Variants in FAM53B observed in about 807,000 individuals in gnomAD.
The protein encoded by FAM53B is protein FAM53B.
In FAM53B, 12 loss-of-function variants were observed where a neutral mutation model predicts 32.7. The ratio of observed to expected loss-of-function variants is 0.37; its 90% CI spans 0.24 to 0.59. The LOEUF (loss-of-function observed/expected upper bound fraction) is 0.59, where lower values mean the gene tolerates loss of function less well. Ranked by LOEUF, FAM53B falls within the 20% of genes least tolerant of loss-of-function variation. The pLI is 0.72. For synonymous variants in FAM53B, 234 were observed against 228.7 expected (o/e 1.02, Z -0.21); for missense variants, 477 against 577.7 (o/e 0.83, Z 1.79).
chr10:124,720,514 T>C (rs971028712), intron 1 of FAM53B, among the ~76,000 whole-genome samples: 8 of 152,078 alleles, frequency 5.3e-5, no homozygotes, highest in African/African-American at 1.9e-4. Flanking sequence ...AGAAACCCTA[T>C]CCGACTGAAT....
At chr10:124,648,048 CCA>C (rs899406527) in intron 4 of FAM53B, among the ~76,000 whole-genome samples, 4 of 152,056 alleles carry the variant, frequency 2.6e-5, no homozygotes, top group African/African-American at 9.7e-5. Flanking sequence ...CTCACCACCC[CCA>C]GACTTCTGCA....
chr10:124,673,951 G>A (rs74575880), intron 4 of FAM53B, among the ~76,000 whole-genome samples: 23 of 152,302 alleles, frequency 1.5e-4, no homozygotes, highest in African/African-American at 4.6e-4. Flanking sequence ...GCAGGGCAAC[G>A]GGCTCACAGT....
rs371968001 is a variant in FAM53B, at chr10:124,682,505, T to A, written c.134-126A>T. On this transcript the variant is annotated intron_variant, in intron 3 of 4. Transcript: ENST00000337318. This position sits in a 1 kb window ranked among gnomAD's most constrained non-coding sequence, Gnocchi z 5.2. ...AGAGCCAAAAGGCCCTTAGAAACCATCCAGTCCAACCTCATTTTACAGATG... is the reference window on the plus strand; with the variant it reads ...AGAGCCAAAAGGCCCTTAGAAACCAACCAGTCCAACCTCATTTTACAGATG... 9.9e-5 allele frequency: 76 copies of A among 767,952 alleles called. No individual in the cohort carries two copies. The East Asian group carries it at 2.0e-3, about 20-fold the overall frequency. The allele number at this position is 767,952 out of a possible 1,614,324, so 47.6% of individuals were successfully genotyped here.
chr10:124,734,343 A>G (rs1589768281), intron 1 of FAM53B, among the ~76,000 whole-genome samples: 1 of 152,136 alleles, frequency 6.6e-6, no homozygotes, highest in Non-Finnish European at 1.5e-5. Flanking sequence ...CATTGATTGA[A>G]CTGCACTGAG....
chr10:124,637,767 A>G (rs1182178863), intron 4 of FAM53B, among the ~76,000 whole-genome samples: 1 of 152,162 alleles, frequency 6.6e-6, no homozygotes, highest in Non-Finnish European at 1.5e-5. Flanking sequence ...CCTCCCATGG[A>G]GTGCCCTCCA....
At position 124,623,600 on chromosome 10, in the gene FAM53B, C is replaced by T; in HGVS notation, c.911G>A (p.Cys304Tyr). The T allele has an allele frequency of 1.2e-6, 2 of 1,609,276 alleles. No homozygotes were observed. The highest frequency in any genetic ancestry group is 1.7e-6 in the Non-Finnish European group (2 of 1,179,376). Residue 304 changes from cysteine (C) to tyrosine (Y), a missense_variant, in exon 5 of 5, where the codon TGT (cysteine) becomes TAT (tyrosine). Physicochemically the swap from Cys to Tyr is radical, Grantham distance 194 (BLOSUM62 -2). Around this residue, in one of 2 missense-constraint regions of FAM53B, gnomAD observed 312 missense variants for 420.2 expected, o/e 0.74. Coordinates refer to ENST00000337318, the MANE Select transcript of FAM53B (RefSeq NM_014661.4). ...SLDLAKMAQN[C>Y]QTFSSLSCLS... is the part of the protein sequence containing the mutation. ...GCAGCTGAGGCTGCTGAAGGTCTGA[C>T]AGTTCTGTGGAGGGGCAGACACACA...
chr10:124,741,254 C>T (rs1022828517), intron 1 of FAM53B, among the ~76,000 whole-genome samples: 3 of 152,052 alleles, frequency 2.0e-5, no homozygotes, highest in Non-Finnish European at 2.9e-5. Flanking sequence ...GGGGTTGTGC[C>T]GATCTGAGTA....
rs1950163227 is a variant in FAM53B, at chr10:124,734,583, T to G, written c.-175+9430A>C. On this transcript the variant is annotated intron_variant, in intron 1 of 4. Transcript: ENST00000337318. ...AGCAGGTCTGCTTCAAGGCCACCCA[T>G]GCCCAGCCACCTTGGTGGGTCCTCT... Among the ~76,000 whole-genome samples, 5 of 152,148 alleles carry G rather than the reference T, an allele frequency of 3.3e-5. No individual in the cohort carries two copies. The South Asian group carries it at 8.3e-4, about 25-fold the overall frequency.
intron 4 of FAM53B, among the ~76,000 whole-genome samples, chr10:124,641,602 G>C (rs537201986): frequency 3.9e-5 from 6 of 152,196 alleles, no homozygotes; most frequent in Admixed American, 2.6e-4. Flanking sequence ...CGAGAGTCAC[G>C]GGGAACTCAG....
intron 3 of FAM53B, among the ~76,000 whole-genome samples, chr10:124,692,258 TTCACGCTGGC>T (rs1380105271): frequency 5.3e-5 from 8 of 152,176 alleles, no homozygotes; most frequent in Non-Finnish European, 8.8e-5. Context: ...CCACCCACGC[TTCACGCTGGC>T]TTTGTTCTCT....
intron 4 of FAM53B, among the ~76,000 whole-genome samples, chr10:124,666,609 T>C (rs573370314): frequency 1.1e-4 from 16 of 152,292 alleles, no homozygotes; most frequent in Non-Finnish European, 1.3e-4. Context: ...GAGAAGCCCC[T>C]GTCTTCCTGT....
intron 4 of FAM53B, among the ~76,000 whole-genome samples, chr10:124,656,770 C>G (rs1215904020): frequency 6.6e-6 from 1 of 152,034 alleles, no homozygotes; most frequent in Non-Finnish European, 1.5e-5. Context: ...CATTCACAGT[C>G]TTTGAAACTG....
At chr10:124,667,436 C>G (rs776309233) in intron 4 of FAM53B, 1 of 765,488 alleles carries the variant, frequency 1.3e-6, no homozygotes, top group Non-Finnish European at 2.4e-6. Context: ...GGAGAAAATA[C>G]AACAGGTGAG....
At chr10:124,706,255 A>AG (rs1949957118) in intron 2 of FAM53B, among the ~76,000 whole-genome samples, 1 of 152,120 alleles carries the variant, frequency 6.6e-6, no homozygotes, top group African/African-American at 2.4e-5. Flanking sequence ...CACCCTTCAG[A>AG]GGGACAGGCT....
rs958232695 is a variant in FAM53B, at chr10:124,681,772, G to A, written c.741C>T (p.Asn247=). 3 of 1,608,778 alleles carry A rather than the reference G, an allele frequency of 1.9e-6. No homozygotes were observed. The highest frequency in any genetic ancestry group is 2.2e-5 in the East Asian group (1 of 44,698). Residue 247 remains asparagine (N), a synonymous_variant, in exon 4 of 5, where the codon AAC becomes AAT. Transcript: ENST00000337318. ...GCTCTGGTGTTGAGGCAGGTGTGCTGTTGGCTGAGGGAGGACAGTATTCCA... is the reference window on the plus strand; with the variant it reads ...GCTCTGGTGTTGAGGCAGGTGTGCTATTGGCTGAGGGAGGACAGTATTCCA... ...SFVEYCPPSA[N]STPASTPELA... is the part of the protein sequence containing the mutation.
intron 1 of FAM53B, among the ~76,000 whole-genome samples, chr10:124,716,790 G>A (rs890122120): frequency 6.6e-6 from 1 of 152,102 alleles, no homozygotes; most frequent in African/African-American, 2.4e-5. Context: ...GGCACGGAGA[G>A]AGGAGAACTC....
At chr10:124,623,847 A>C (rs1249623124) in intron 4 of FAM53B, 2 of 489,470 alleles carry the variant, frequency 4.1e-6, no homozygotes, top group Non-Finnish European at 7.2e-6. Context: ...TAACTCGGCA[A>C]AGCACACAAA....
At position 124,651,630 on chromosome 10, in the gene FAM53B, G is replaced by A. The variant is rs191689383; in HGVS notation, c.907-28026C>T. ...CACCTCCGAGACAGTGAGGCCCAGC[G>A]GCCTCCTCATTTCCTCCTCAGGGGA... On this transcript the variant is annotated intron_variant, in intron 4 of 4. Transcript: ENST00000337318. This position sits in a 1 kb window ranked among gnomAD's most constrained non-coding sequence, Gnocchi z 5.2. 3.4e-4 allele frequency among the ~76,000 whole-genome samples: 51 copies of A among 152,182 alleles called. No homozygotes were observed. The East Asian group carries it at 9.1e-3, about 27-fold the overall frequency.
chr10:124,674,132 C>G (rs1022962187), intron 4 of FAM53B, among the ~76,000 whole-genome samples: 1 of 152,218 alleles, frequency 6.6e-6, no homozygotes, highest in Non-Finnish European at 1.5e-5. Context: ...GGGACTCATA[C>G]CCCAGCAGCA....
Sources: gnomAD v4.1 joint callset for allele counts (sites outside exome capture counted in the v4.1 genomes callset) on GRCh38, gnomAD v4.1.1 for gene constraint, gnomAD v4.1.1 regional missense constraint, Gnocchi (gnomAD v3.1) non-coding constraint, MANE v1.5 for transcripts, NCBI Gene and HGNC (gene_info 2026-07-23, HGNC 2026-07-21) for gene names.